The following NELL1 variants were observed in gnomAD, a reference collection of about 807,000 sequenced individuals.
NELL1 encodes protein kinase C-binding protein NELL1.
In NELL1, 76 loss-of-function variants were observed where a neutral mutation model predicts 107.4. That is an observed-to-expected ratio of 0.71 (90% CI 0.59 to 0.86). The LOEUF is 0.86. Among genes scored for constraint, NELL1 ranks in the 40% least tolerant of loss-of-function variants. The probability of loss-of-function intolerance (pLI) is 0.00; values close to 1 mark genes in which losing one functional copy is unlikely to be tolerated. For missense variants in NELL1, 1,024 were observed against 1,005.5 expected, an observed-to-expected ratio of 1.02 and a Z score of -0.25; for synonymous variants, 353 against 341.2, an observed-to-expected ratio of 1.03 and a Z score of -0.38.
intron 14 of NELL1, among the ~76,000 whole-genome samples, chr11:21,365,576 G>T (rs1202098863): frequency 6.6e-6 from 1 of 152,118 alleles, no homozygotes; most frequent in Non-Finnish European, 1.5e-5. Context: ...CTGTTGAAAG[G>T]ACAGTGGAAA....
chr11:20,986,749 A>G (rs1222670896), intron 12 of NELL1, among the ~76,000 whole-genome samples: 2 of 152,026 alleles, frequency 1.3e-5, no homozygotes, highest in East Asian at 1.9e-4. Flanking sequence ...TTAAGCCCAC[A>G]TGAATAAAAC....
intron 13 of NELL1, among the ~76,000 whole-genome samples, chr11:21,199,218 C>A (rs1857214439): frequency 6.6e-6 from 1 of 152,132 alleles, no homozygotes; most frequent in African/African-American, 2.4e-5. Context: ...TCATGGACAT[C>A]TCCTAGCACA....
chr11:20,887,815 G>T (rs867440758), intron 5 of NELL1, among the ~76,000 whole-genome samples: 5 of 152,102 alleles, frequency 3.3e-5, no homozygotes, highest in Admixed American at 1.3e-4. Context: ...TTTGGAGAAA[G>T]TCACTTTTGA....
intron 3 of NELL1, among the ~76,000 whole-genome samples, chr11:20,791,700 T>A (rs191145163): frequency 7.7e-4 from 117 of 151,704 alleles, no homozygotes; most frequent in Non-Finnish European, 1.2e-3. Flanking sequence ...GCTGTGTGGA[T>A]TTTCACAGGT....
At chr11:21,118,966 T>G (rs1009118255) in intron 13 of NELL1, among the ~76,000 whole-genome samples, 5 of 152,050 alleles carry the variant, frequency 3.3e-5, no homozygotes, top group Non-Finnish European at 2.9e-5. Context: ...TATTTTACTA[T>G]GTATGAAATA....
intron 14 of NELL1, among the ~76,000 whole-genome samples, chr11:21,314,185 G>A (rs147536215): frequency 3.3e-5 from 5 of 151,936 alleles, no homozygotes; most frequent in African/African-American, 1.2e-4. Flanking sequence ...CCAGTGTCAG[G>A]TATTTCTTTA....
intron 16 of NELL1, among the ~76,000 whole-genome samples, chr11:21,539,631 C>A (rs1301592320): frequency 6.6e-6 from 1 of 151,416 alleles, no homozygotes; most frequent in African/African-American, 2.4e-5. Context: ...TCTAGACATT[C>A]AGATGCTCCT....
intron 2 of NELL1, among the ~76,000 whole-genome samples, chr11:20,779,055 G>A (rs1856805907): frequency 6.6e-6 from 1 of 152,186 alleles, no homozygotes; most frequent in South Asian, 2.1e-4. Context: ...CAGCAAATGG[G>A]AGGTTTCCAG....
Position 21,340,620 on chromosome 11 carries a change from T to TACACACACAC in NELL1, c.1550-30201_1550-30192dup, listed in dbSNP as rs71034506. Among the ~76,000 whole-genome samples the TACACACACAC allele has an allele frequency of 4.8e-3, 676 of 141,796 alleles. 3 individuals are homozygous for TACACACACAC. The highest frequency in any genetic ancestry group is 0.014 in the African/African-American group (523 of 37,284). The allele number at this position is 141,796 out of a possible 152,430, so 93.0% of individuals were successfully genotyped here. A position where few individuals can be genotyped will look rare whatever the true frequency, so the allele number is the denominator to read the frequency against. On this transcript the variant is annotated intron_variant, in intron 14 of 19. Transcript: ENST00000357134. ...GGGCACCTAACCCTTTATGACGGGT[T>TACACACACAC]ACACACACACACACACACACACACA...
intron 15 of NELL1, among the ~76,000 whole-genome samples, chr11:21,420,239 A>G (rs1852629360): frequency 6.6e-6 from 1 of 152,164 alleles, no homozygotes; most frequent in Non-Finnish European, 1.5e-5. Context: ...GTATATTTGC[A>G]ATATTGCACT....
chr11:21,156,130 G>A (rs1045662852), intron 13 of NELL1, among the ~76,000 whole-genome samples: 1 of 152,130 alleles, frequency 6.6e-6, no homozygotes. Flanking sequence ...GAACCTGAGG[G>A]CATCTGTTAA....
chr11:21,042,937 G>A (rs537082764), intron 12 of NELL1, among the ~76,000 whole-genome samples: 3 of 152,074 alleles, frequency 2.0e-5, no homozygotes, highest in South Asian at 2.1e-4. Context: ...GAATCAACAT[G>A]TCTTTTCATA....
intron 15 of NELL1, among the ~76,000 whole-genome samples, chr11:21,414,915 G>A (rs1463189275): frequency 6.6e-6 from 1 of 151,904 alleles, no homozygotes; most frequent in Non-Finnish European, 1.5e-5. Flanking sequence ...TATCTCCTTT[G>A]CTTTGTTCAA....
intron 14 of NELL1, among the ~76,000 whole-genome samples, chr11:21,367,568 A>T (rs959025254): frequency 6.6e-6 from 1 of 152,138 alleles, no homozygotes; most frequent in African/African-American, 2.4e-5. Flanking sequence ...ACTGGTTCAT[A>T]ACTGTACCGT....
chr11:21,107,345 C>T lies in NELL1; in HGVS notation c.1301-6244C>T, dbSNP rs1395602221. 7.2e-5 allele frequency among the ~76,000 whole-genome samples: 11 copies of T among 151,966 alleles called. 1 individual carries two copies. On this transcript the variant is annotated intron_variant, in intron 12 of 19. Coordinates refer to ENST00000357134, the MANE Select transcript of NELL1 (RefSeq NM_006157.5). ...CCCAATTAAAAAAAAATCAGTATGA[C>T]ACAAAGGGAAAGTAGTGATTGTTCT...
intron 12 of NELL1, among the ~76,000 whole-genome samples, chr11:21,067,389 T>G (rs965860354): frequency 1.3e-5 from 2 of 152,146 alleles, no homozygotes; most frequent in Admixed American, 1.3e-4. Context: ...CATTTTAAAG[T>G]AGTGTTCAAA....
chr11:21,568,830 T>A (rs1857031533), intron 17 of NELL1, among the ~76,000 whole-genome samples: 1 of 151,106 alleles, frequency 6.6e-6, no homozygotes, highest in African/African-American at 2.4e-5. Flanking sequence ...TCTTCTGGAA[T>A]ACCTCCTGAG....
chr11:21,122,585 C>A (rs1318409435), intron 13 of NELL1, among the ~76,000 whole-genome samples: 3 of 151,948 alleles, frequency 2.0e-5, no homozygotes, highest in Admixed American at 1.3e-4. Flanking sequence ...ACTAACTATT[C>A]TTTGGCCAAA....
At chr11:21,102,752 C>T (rs1027830025) in intron 12 of NELL1, among the ~76,000 whole-genome samples, 1 of 152,102 alleles carries the variant, frequency 6.6e-6, no homozygotes, top group Admixed American at 6.6e-5. Context: ...TTCCGTTCCA[C>T]CTTTGGGTTG....
Sources: allele counts gnomAD v4.1 joint callset (sites outside exome capture counted in the v4.1 genomes callset), GRCh38; gene constraint gnomAD v4.1.1; transcripts MANE v1.5; gene names NCBI Gene and HGNC (gene_info 2026-07-23, HGNC 2026-07-21).